ITGB3: variants seen among roughly 807,000 people sequenced by gnomAD.
The protein encoded by ITGB3 is integrin beta-3.
In ITGB3, 48 loss-of-function variants were observed where a neutral mutation model predicts 85.8. That is an observed-to-expected ratio of 0.56 (90% CI 0.44 to 0.71). ITGB3 has a LOEUF of 0.71. ITGB3 is among the 30% of genes least tolerant of loss of function. ITGB3 has a pLI of 0.00. For synonymous variants in ITGB3, 363 were observed against 395.6 expected, an observed-to-expected ratio of 0.92 and a Z score of 0.98; for missense variants, 861 against 1,019.1, an observed-to-expected ratio of 0.84 and a Z score of 2.11.
chr17:47,256,690 T>A (rs983971496), intron 1 of ITGB3, among the ~76,000 whole-genome samples: 26 of 152,244 alleles, frequency 1.7e-4, no homozygotes, highest in African/African-American at 5.8e-4. Context: ...GAAGAGAGAT[T>A]GACTGAGGAT....
chr17:47,256,329 G>A (rs1004577993), intron 1 of ITGB3, among the ~76,000 whole-genome samples: 13 of 152,068 alleles, frequency 8.5e-5, no homozygotes, highest in Admixed American at 6.6e-4. Flanking sequence ...ATCCTTAGGC[G>A]ATCTGTTCAC....
intron 10 of ITGB3, among the ~76,000 whole-genome samples, chr17:47,296,698 G>A (rs1567767935): frequency 1.3e-5 from 2 of 152,222 alleles, no homozygotes; most frequent in Non-Finnish European, 1.5e-5. Flanking sequence ...CTGATGTCTA[G>A]AGGGTGGAGC....
At chr17:47,267,275 G>GAGGT in intron 1 of ITGB3, among the ~76,000 whole-genome samples, 1 of 152,306 alleles carries the variant, frequency 6.6e-6, no homozygotes, top group African/African-American at 2.4e-5. Context: ...GGGGTGGTAG[G>GAGGT]AGGTAGGAGT....
chr17:47,287,094 G>T lies in ITGB3; in HGVS notation c.802G>T (p.Ala268Ser), dbSNP rs772696780. ...GGAAAAGATTGGCTGGAGGAATGAT[G>T]CATCCCACTTGCTGGTGTTTACCAC... ...CDEKIGWRNDASHLLVFTTDA... is the reference protein window; with the variant it reads ...CDEKIGWRNDSSHLLVFTTDA... Residue 268 changes from alanine to serine, a missense_variant, in exon 6 of 15, where the codon GCA becomes TCA. Coordinates refer to ENST00000559488, the MANE Select transcript of ITGB3 (RefSeq NM_000212.3). 1 of 1,614,080 alleles carries T rather than the reference G, an allele frequency of 6.2e-7. No individual in the cohort carries two copies.
intron 2 of ITGB3, among the ~76,000 whole-genome samples, chr17:47,280,350 G>GT (rs367694826): frequency 1.2e-3 from 176 of 152,050 alleles, no homozygotes; most frequent in South Asian, 0.01. Context: ...GGGTTACAGG[G>GT]TTTTTTTGTT....
chr17:47,263,203 A>G (rs935539096), intron 1 of ITGB3, among the ~76,000 whole-genome samples: 1 of 152,058 alleles, frequency 6.6e-6, no homozygotes, highest in African/African-American at 2.4e-5. Context: ...GCCTTACCAC[A>G]TTTCTCAGGA....
intron 1 of ITGB3, among the ~76,000 whole-genome samples, chr17:47,254,968 ATTATTTATTTAT>A (rs145396998): frequency 1.3e-5 from 2 of 151,388 alleles, no homozygotes; most frequent in East Asian, 2.0e-4. Flanking sequence ...ATTTTATTTT[ATTATTTATTTAT>A]TTATTTATTT....
intron 8 of ITGB3, among the ~76,000 whole-genome samples, chr17:47,290,705 G>T (rs74508773): frequency 0.031 from 4,651 of 152,256 alleles, 139 homozygotes; most frequent in East Asian, 0.098. Context: ...CTGCAGGAGG[G>T]TGTAGCTGGT....
Position 47,313,314 on chromosome 17 carries a change from CT to C in ITGB3, c.*3113del, listed in dbSNP as rs1410354246. ...TAATGGGGTCCAAAGGCCTCTTTTT[CT>C]TTGTTAAGTATTCCTGGTTGAAATT... On this transcript the variant is annotated 3_prime_UTR_variant, in exon 15 of 15. Coordinates refer to ENST00000559488, the MANE Select transcript of ITGB3 (RefSeq NM_000212.3). 6.9e-6 allele frequency among the ~76,000 whole-genome samples: 1 copy of C among 144,100 alleles called. No individual in the cohort carries two copies. Among genetic ancestry groups the C allele is most frequent in the Non-Finnish European group, 1.5e-5 (1 of 65,184 alleles). 94.5% of individuals were successfully genotyped at this position (144,100 alleles called of 152,430 possible).
Position 47,262,076 on chromosome 17 carries a change from C to A in ITGB3, c.79+8136C>A, listed in dbSNP as rs377673280. On this transcript the variant is annotated intron_variant, in intron 1 of 14. Coordinates refer to ENST00000559488, the MANE Select transcript of ITGB3 (RefSeq NM_000212.3). ...TCAAGTGTTTCTACAGACTTAATTT[C>A]TTGAATGAAAGTTGGTGGGTCGAAG... 3.0e-4 allele frequency among the ~76,000 whole-genome samples: 46 copies of A among 152,290 alleles called. No homozygotes were observed. The South Asian group carries it at 9.3e-3, about 31-fold the overall frequency.
intron 10 of ITGB3, among the ~76,000 whole-genome samples, chr17:47,295,688 C>G (rs2065143310): frequency 6.7e-6 from 1 of 150,296 alleles, no homozygotes; most frequent in East Asian, 2.0e-4. Context: ...AGGCGGAGGC[C>G]TCTGAGTGCT....
At chr17:47,300,272 A>C (rs527502254) in intron 11 of ITGB3, among the ~76,000 whole-genome samples, 1 of 152,114 alleles carries the variant, frequency 6.6e-6, no homozygotes, top group Non-Finnish European at 1.5e-5. Flanking sequence ...CCTACAGGTG[A>C]GGGGGACACT....
chr17:47,295,164 G>C (rs2065141037), intron 10 of ITGB3, among the ~76,000 whole-genome samples: 1 of 152,212 alleles, frequency 6.6e-6, no homozygotes, highest in African/African-American at 2.4e-5. Flanking sequence ...GACAGATCCA[G>C]GAAGTGTGGA....
At chr17:47,284,046 A>T (rs1302803548) in intron 3 of ITGB3, among the ~76,000 whole-genome samples, 1 of 152,174 alleles carries the variant, frequency 6.6e-6, no homozygotes, top group Non-Finnish European at 1.5e-5. Context: ...TTGACTTTCC[A>T]ACTAAGTCAA....
chr17:47,299,626 C>A lies in ITGB3; in HGVS notation c.1913+96C>A. The A allele has an allele frequency of 1.7e-6, 2 of 1,186,740 alleles. No individual in the cohort carries two copies. Among genetic ancestry groups the A allele is most frequent in the Non-Finnish European group, 1.2e-6 (1 of 816,534 alleles). 73.5% of individuals were successfully genotyped at this position (1,186,740 alleles called of 1,614,324 possible). A position where few individuals can be genotyped will look rare whatever the true frequency, so the allele number is the denominator to read the frequency against. On this transcript the variant is annotated intron_variant, in intron 11 of 14. Coordinates refer to ENST00000559488, the MANE Select transcript of ITGB3 (RefSeq NM_000212.3). This position sits in a 1 kb window ranked among gnomAD's most constrained non-coding sequence, Gnocchi z 5.1. Reference sequence around the variant, plus strand: ...CTCTCCAGGTGTGTTTCTTGCTCACCAGAGCCTTAGGGAGAGGAGTCCACT... The same window carrying A: ...CTCTCCAGGTGTGTTTCTTGCTCACAAGAGCCTTAGGGAGAGGAGTCCACT...
intron 1 of ITGB3, among the ~76,000 whole-genome samples, chr17:47,262,473 G>A (rs895298361): frequency 6.6e-6 from 1 of 152,114 alleles, no homozygotes; most frequent in Non-Finnish European, 1.5e-5. Flanking sequence ...CTTGTTTGAG[G>A]GTTCTCATGC....
chr17:47,286,140 G>A, intron 4 of ITGB3, 120 bp from the exon 5 acceptor site: 1 of 1,127,542 alleles, frequency 8.9e-7, no homozygotes, highest in South Asian at 1.2e-5. Context: ...GGTAACTGTG[G>A]TTGTATGGAA....
At chr17:47,283,030 A>G (rs2065089228) in intron 2 of ITGB3, among the ~76,000 whole-genome samples, 1 of 151,534 alleles carries the variant, frequency 6.6e-6, no homozygotes, top group Non-Finnish European at 1.5e-5. Context: ...CTACAACTCC[A>G]TGAATAGGCC....
intron 2 of ITGB3, 40 bp from the exon 3 acceptor site, chr17:47,283,314 C>G (rs988684): frequency 1.2e-6 from 2 of 1,605,222 alleles, no homozygotes; most frequent in East Asian, 4.5e-5. Flanking sequence ...GTCGCCATAG[C>G]TCTGATTGCT....
Sources: gnomAD v4.1 joint callset for allele counts (sites outside exome capture counted in the v4.1 genomes callset) on GRCh38, gnomAD v4.1.1 for gene constraint, Gnocchi (gnomAD v3.1) non-coding constraint, MANE v1.5 for transcripts, NCBI Gene and HGNC (gene_info 2026-07-23, HGNC 2026-07-21) for gene names.